The following NEXMIF variants were observed in gnomAD, a reference collection of about 807,000 sequenced individuals.
NEXMIF encodes neurite extension and migration factor.
A neutral mutation model predicts 62.1 loss-of-function variants in NEXMIF; 8 were observed. The ratio of observed to expected loss-of-function variants is 0.13; its 90% confidence interval spans 0.08 to 0.23. The LOEUF is 0.23. NEXMIF is among the 10% of genes least tolerant of loss of function. NEXMIF has a pLI of 1.00. For missense variants in NEXMIF, 976 were observed against 1,113.3 expected (o/e 0.88, Z 1.75); for synonymous variants, 404 against 416.6 (o/e 0.97, Z 0.37).
At chrX:74,854,328 T>A (rs938498868) in intron 1 of NEXMIF, among the ~76,000 whole-genome samples, 6 of 111,988 alleles carry the variant, frequency 5.4e-5, no homozygotes, top group African/African-American at 1.9e-4. Context: ...ACAACAATAA[T>A]ATGATAATCT....
intron 1 of NEXMIF, among the ~76,000 whole-genome samples, chrX:74,834,530 T>G (rs991793099): frequency 1.8e-5 from 2 of 111,622 alleles, no homozygotes; most frequent in Admixed American, 1.9e-4. Context: ...TCTGGGAAGG[T>G]CTTTATTTCT....
chrX:74,803,280 C>T (rs1045295555), intron 1 of NEXMIF, among the ~76,000 whole-genome samples: 26 of 111,931 alleles, frequency 2.3e-4, no homozygotes, highest in Admixed American at 1.2e-3. Flanking sequence ...AACTGTGGGC[C>T]GGGCTCACGC....
intron 1 of NEXMIF, among the ~76,000 whole-genome samples, chrX:74,756,457 C>A (rs745725896): frequency 8.1e-5 from 9 of 110,798 alleles, no homozygotes; most frequent in African/African-American, 2.3e-4. Flanking sequence ...AAGGCCATGT[C>A]CCCCCACCCC....
At chrX:74,795,217 C>A (rs866697212) in intron 1 of NEXMIF, among the ~76,000 whole-genome samples, 2 of 112,357 alleles carry the variant, frequency 1.8e-5, no homozygotes, top group Middle Eastern at 4.6e-3. Flanking sequence ...TACATCCACA[C>A]AAAAACCTGC....
At chrX:74,924,473 C>G (rs957036269) in intron 1 of NEXMIF, among the ~76,000 whole-genome samples, 5 of 113,162 alleles carry the variant, frequency 4.4e-5, no homozygotes, top group Non-Finnish European at 9.4e-5. Context: ...CGTGGGTTTT[C>G]CCGCTCTCGC....
chrX:74,794,093 C>T (rs1375826261), intron 1 of NEXMIF, among the ~76,000 whole-genome samples: 1 of 100,791 alleles, frequency 9.9e-6, no homozygotes, highest in African/African-American at 3.5e-5. Flanking sequence ...TGTTTTTTCC[C>T]CATCTTTGTG....
chrX:74,773,132 C>T (rs1043088595), intron 1 of NEXMIF, among the ~76,000 whole-genome samples: 15 of 111,562 alleles, frequency 1.3e-4, no homozygotes, highest in Non-Finnish European at 2.8e-4. Context: ...CTCAGAAAAA[C>T]TTTCTCCCAG....
chrX:74,827,886 T>G (rs1381718453), intron 1 of NEXMIF, among the ~76,000 whole-genome samples: 1 of 112,138 alleles, frequency 8.9e-6, no homozygotes, highest in East Asian at 2.8e-4. Flanking sequence ...AGAAAAGTGA[T>G]TCCCAAGATA....
At chrX:74,878,556 G>A (rs1459270521) in intron 1 of NEXMIF, among the ~76,000 whole-genome samples, 1 of 112,764 alleles carries the variant, frequency 8.9e-6, no homozygotes, top group African/African-American at 3.2e-5. Flanking sequence ...ACCTAAGCAA[G>A]CCTGGGCAAT....
intron 1 of NEXMIF, among the ~76,000 whole-genome samples, chrX:74,919,526 C>A (rs1322318508): frequency 1.8e-5 from 2 of 111,450 alleles, no homozygotes; most frequent in African/African-American, 6.5e-5. Context: ...GCTGGAGCAA[C>A]AGGCATAAAC....
At chrX:74,788,877 G>A (rs1010836347) in intron 1 of NEXMIF, among the ~76,000 whole-genome samples, 1 of 111,316 alleles carries the variant, frequency 9.0e-6, no homozygotes, top group Non-Finnish European at 1.9e-5. Context: ...GTGCCAGCAA[G>A]TACCCCGCCA....
chrX:74,792,280 C>T (rs1245364442), intron 1 of NEXMIF, among the ~76,000 whole-genome samples: 1 of 110,526 alleles, frequency 9.0e-6, no homozygotes, highest in Non-Finnish European at 1.9e-5. Flanking sequence ...TGCAGTTGAG[C>T]GGTTTTGAGT....
intron 1 of NEXMIF, among the ~76,000 whole-genome samples, chrX:74,895,841 A>AT (rs1032202632): frequency 1.8e-5 from 2 of 110,088 alleles, no homozygotes; most frequent in African/African-American, 6.6e-5. Context: ...GTGTAAAAAA[A>AT]AAAAAAAACA....
rs17265945 is a variant in NEXMIF, at chrX:74,774,330, T to A, written c.-47-28633A>T. On this transcript the variant is annotated intron_variant, in intron 1 of 3. Transcript: ENST00000055682. ...CTTTATCACCTTAGTAATGGCTTTA[T>A]CACCTTAGTACGTGGCCCTGTAAAA... Among the ~76,000 whole-genome samples, 2,983 of 111,520 alleles carry A rather than the reference T, an allele frequency of 0.027. 215 individuals carry two copies. The East Asian group carries it at 0.29, about 11-fold the overall frequency.
chrX:74,768,090 T>C (rs1481009648), intron 1 of NEXMIF, among the ~76,000 whole-genome samples: 1 of 111,441 alleles, frequency 9.0e-6, no homozygotes, highest in Non-Finnish European at 1.9e-5. Context: ...AGACTCCACA[T>C]AGCTTTGTGT....
At chrX:74,916,338 C>A (rs2080806715) in intron 1 of NEXMIF, among the ~76,000 whole-genome samples, 1 of 111,767 alleles carries the variant, frequency 8.9e-6, no homozygotes, top group Non-Finnish European at 1.9e-5. Flanking sequence ...TACCTATTTG[C>A]CAAGAAACTC....
intron 2 of NEXMIF, among the ~76,000 whole-genome samples, chrX:74,744,804 C>T (rs1277623820): frequency 2.7e-5 from 3 of 111,300 alleles, no homozygotes; most frequent in Non-Finnish European, 5.7e-5. Context: ...TCAGATGGAA[C>T]ATTAATACTT....
chrX:74,797,259 T>A (rs926332916), intron 1 of NEXMIF, among the ~76,000 whole-genome samples: 20 of 112,085 alleles, frequency 1.8e-4, no homozygotes, highest in African/African-American at 6.1e-4. Flanking sequence ...TTGGATTGGA[T>A]CCTGATATTT....
chrX:74,834,220 T>G (rs1356546207), intron 1 of NEXMIF, among the ~76,000 whole-genome samples: 1 of 111,547 alleles, frequency 9.0e-6, no homozygotes. Flanking sequence ...TTTTAACTTT[T>G]TGTTGTTTCT....
Sources: allele counts gnomAD v4.1 joint callset (sites outside exome capture counted in the v4.1 genomes callset), GRCh38; gene constraint gnomAD v4.1.1; transcripts MANE v1.5; gene names NCBI Gene and HGNC (gene_info 2026-07-23, HGNC 2026-07-21).